ARHGAP20: variants seen among roughly 807,000 people sequenced by gnomAD.
The protein encoded by ARHGAP20 is Rho GTPase activating protein 20.
In ARHGAP20, 34 loss-of-function variants were observed where a neutral mutation model predicts 73.7. The ratio of observed to expected loss-of-function variants is 0.46; its 90% CI spans 0.35 to 0.61. ARHGAP20 has a LOEUF of 0.61. Ranked by LOEUF, ARHGAP20 falls within the 20% of genes least tolerant of loss-of-function variation. The pLI is 0.00. For missense variants in ARHGAP20, 1,314 were observed against 1,420.9 expected (o/e 0.92, Z 1.21); for synonymous variants, 523 against 518.2 (o/e 1.01, Z -0.13).
chr11:110,704,771 A>T (rs762138148), intron 1 of ARHGAP20, among the ~76,000 whole-genome samples: 2 of 152,168 alleles, frequency 1.3e-5, no homozygotes, highest in Admixed American at 1.3e-4. Flanking sequence ...CTTTCTGAAC[A>T]CATCAGGACC....
intron 11 of ARHGAP20, chr11:110,589,526 C>T: frequency 7.1e-6 from 7 of 985,438 alleles, no homozygotes; most frequent in African/African-American, 5.2e-5. Context: ...GGCCTTGTCT[C>T]GACCCCTAGC....
intron 2 of ARHGAP20, among the ~76,000 whole-genome samples, chr11:110,642,408 G>A (rs1437151857): frequency 6.6e-6 from 1 of 152,086 alleles, no homozygotes; most frequent in Non-Finnish European, 1.5e-5. Context: ...CATTCAGTAT[G>A]ATGTTGGCTG....
At chr11:110,590,874 G>GCC in intron 10 of ARHGAP20, 65 bp from the exon 11 acceptor site, 1 of 1,488,718 alleles carries the variant, frequency 6.7e-7, no homozygotes, top group South Asian at 1.3e-5. Context: ...ATGTACACTT[G>GCC]CCCTCTTTGG....
rs377207066 is a variant in ARHGAP20 at position 110,579,631 on chromosome 11, C to T, written c.3315G>A (p.Gln1105=). The T allele has an allele frequency of 3.1e-6, 5 of 1,614,228 alleles. No individual in the cohort carries two copies. Among genetic ancestry groups the T allele is most frequent in the East Asian group, 4.5e-5 (2 of 44,870 alleles). The stretch of plus-strand genomic sequence containing the variant: ...GAGAAGAACTACACCTTTGGGCTGA[C>T]TGCACAGGGGACAGTCCTTCAGCTG... ...LRAAEGLSPV[Q]SAQRCSSSPF... Residue 1105 remains glutamine (Q), a synonymous_variant, in exon 15 of 15, where the codon CAG becomes CAA. Coordinates refer to ENST00000683387, the MANE Select transcript of ARHGAP20 (RefSeq NM_001384657.1).
chr11:110,662,469 G>T (rs759893696), intron 2 of ARHGAP20, among the ~76,000 whole-genome samples: 1 of 151,808 alleles, frequency 6.6e-6, no homozygotes, highest in African/African-American at 2.4e-5. Flanking sequence ...AGGATATACC[G>T]TAAAGATAGT....
intron 2 of ARHGAP20, among the ~76,000 whole-genome samples, chr11:110,645,858 A>G (rs1949180393): frequency 6.6e-6 from 1 of 152,190 alleles, no homozygotes; most frequent in South Asian, 2.1e-4. Flanking sequence ...AAGTGAACTA[A>G]CACAGAAACT....
In ARHGAP20 at chr11:110,583,604, T is replaced by C. The variant is rs1199974988; in HGVS notation, c.1549A>G (p.Ile517Val). 2 of 1,612,632 alleles carry C rather than the reference T, an allele frequency of 1.2e-6. No individual in the cohort carries two copies. Among genetic ancestry groups the C allele is most frequent in the Non-Finnish European group, 1.7e-6 (2 of 1,179,058 alleles). The change falls in exon 13 of 15, where the codon ATT becomes GTT. Residue 517 changes from isoleucine to valine, a missense_variant. Ile to Val is a conservative substitution (Grantham distance 29, BLOSUM62 3). This residue lies in a region of ARHGAP20 where 230 missense variants were observed against 317.6 expected (regional missense o/e 0.72). Coordinates refer to ENST00000683387, the MANE Select transcript of ARHGAP20 (RefSeq NM_001384657.1). Reference sequence around the variant, plus strand: ...CTGGAGGAAGCAGGAGGCCAAAGAATACTTGGAGCGACACACACAGCTAAA... The same window carrying C: ...CTGGAGGAAGCAGGAGGCCAAAGAACACTTGGAGCGACACACACAGCTAAA... ...FNLAVCVAPSILWPPASSSPE... is the reference protein window; with the variant it reads ...FNLAVCVAPSVLWPPASSSPE...
chr11:110,614,537 ATTTTC>A lies in ARHGAP20; in HGVS notation c.630+19_630+23del, dbSNP rs1205480574. The A allele has an allele frequency of 1.3e-6, 2 of 1,592,040 alleles. No individual in the cohort carries two copies. The highest frequency in any genetic ancestry group is 1.7e-6 in the Non-Finnish European group (2 of 1,160,660). On this transcript the variant is annotated intron_variant, in intron 6 of 14. Transcript: ENST00000683387. ...GTCTTATGCAGGGACTTGGAATTTAATTTTCTGGCTTAGAAACACTTACGTAGGCA... is the reference window on the plus strand; with the variant it reads ...GTCTTATGCAGGGACTTGGAATTTAATGGCTTAGAAACACTTACGTAGGCA...
intron 2 of ARHGAP20, among the ~76,000 whole-genome samples, chr11:110,639,623 G>C (rs1178117301): frequency 2.6e-5 from 4 of 151,686 alleles, no homozygotes; most frequent in African/African-American, 9.7e-5. Flanking sequence ...CCTAGTCCCT[G>C]GCAACTACTA....
At position 110,577,978 on chromosome 11, in the gene ARHGAP20, T is replaced by TAAAG; in HGVS notation, c.*1388_*1391dup. 1 of 985,442 alleles carries TAAAG rather than the reference T, an allele frequency of 1.0e-6. No individual in the cohort carries two copies. Among genetic ancestry groups the TAAAG allele is most frequent in the South Asian group, 4.7e-5 (1 of 21,286 alleles). 61.0% of individuals were successfully genotyped at this position (985,442 alleles called of 1,614,324 possible). A position where few individuals can be genotyped will look rare whatever the true frequency, so the allele number is the denominator to read the frequency against. ...GAGAAAGGTCCATCTGATGGTGAAC[T>TAAAG]AAAGAGTTTAAATAAATGGGCTCAG... is the stretch of plus-strand genomic sequence containing the variant. On this transcript the variant is annotated 3_prime_UTR_variant, in exon 15 of 15. Transcript: ENST00000683387.
In ARHGAP20 at chr11:110,630,531, G is replaced by A. The variant is rs932805942; in HGVS notation, c.353+97C>T. 2.8e-5 allele frequency: 35 copies of A among 1,265,868 alleles called. No individual in the cohort carries two copies. In the African/African-American group the frequency reaches 5.0e-4, roughly 18 times the overall value. 78.4% of individuals were successfully genotyped at this position (1,265,868 alleles called of 1,614,324 possible). A position where few individuals can be genotyped will look rare whatever the true frequency, so the allele number is the denominator to read the frequency against. ...TTAGATATTACCTATAGTAACAAAG[G>A]CAAGACATTCTTACAGTAAGCATTG... On this transcript the variant is annotated intron_variant, in intron 3 of 14. Transcript: ENST00000683387.
chr11:110,664,862 T>C (rs1309593614), intron 2 of ARHGAP20, among the ~76,000 whole-genome samples: 1 of 151,350 alleles, frequency 6.6e-6, no homozygotes, highest in African/African-American at 2.4e-5. Context: ...CTGTTGAGAG[T>C]TATTAAAGAA....
chr11:110,602,200 A>G (rs1039315393), intron 9 of ARHGAP20, among the ~76,000 whole-genome samples: 11 of 149,260 alleles, frequency 7.4e-5, no homozygotes, highest in African/African-American at 2.8e-4. Context: ...CAAGTGCCAC[A>G]TCTATCAGGA....
intron 6 of ARHGAP20, among the ~76,000 whole-genome samples, chr11:110,612,255 A>G (rs1948383260): frequency 1.9e-5 from 2 of 106,572 alleles, no homozygotes; most frequent in Admixed American, 9.8e-5. Flanking sequence ...CGTCTCTACT[A>G]AAAAAAAAAA....
chr11:110,578,520 T>C lies in ARHGAP20; in HGVS notation c.*850A>G. On this transcript the variant is annotated 3_prime_UTR_variant, in exon 15 of 15. Transcript: ENST00000683387. Reference sequence around the variant, plus strand: ...ACAGTTGTTGTGGTCTTTTCCTCCATATTGAGAGTGAACGCTGTCAGGAGG... The same window carrying C: ...ACAGTTGTTGTGGTCTTTTCCTCCACATTGAGAGTGAACGCTGTCAGGAGG... 4 of 985,424 alleles carry C rather than the reference T, an allele frequency of 4.1e-6. No individual in the cohort carries two copies. The highest frequency in any genetic ancestry group is 4.7e-5 in the South Asian group (1 of 21,290). 61.0% of individuals were successfully genotyped at this position (985,424 alleles called of 1,614,324 possible).
chr11:110,644,721 A>G (rs555245349), intron 2 of ARHGAP20, among the ~76,000 whole-genome samples: 1 of 152,308 alleles, frequency 6.6e-6, no homozygotes, highest in East Asian at 1.9e-4. Flanking sequence ...CATTCTCAAT[A>G]TTGGCCTTGA....
At chr11:110,588,573 T>C (rs1162581436) in intron 11 of ARHGAP20, among the ~76,000 whole-genome samples, 1 of 152,212 alleles carries the variant, frequency 6.6e-6, no homozygotes, top group East Asian at 1.9e-4. Flanking sequence ...CGATAAAATG[T>C]TAATTACTTG....
chr11:110,641,221 GAA>G (rs1288110322), intron 2 of ARHGAP20, among the ~76,000 whole-genome samples: 1 of 151,982 alleles, frequency 6.6e-6, no homozygotes, highest in Non-Finnish European at 1.5e-5. Context: ...AGACAGAATA[GAA>G]AGATGAGAGA....
Position 110,689,234 on chromosome 11 carries a change from C to T in ARHGAP20, c.188+1313G>A, listed in dbSNP as rs1001995337. Among the ~76,000 whole-genome samples, 3 of 151,994 alleles carry T rather than the reference C, an allele frequency of 2.0e-5. 1 individual carries two copies. The South Asian group carries it at 6.3e-4, about 32-fold the overall frequency. On this transcript the variant is annotated intron_variant, in intron 2 of 14. Coordinates refer to ENST00000683387, the MANE Select transcript of ARHGAP20 (RefSeq NM_001384657.1). ...GCCAGGATGGTCTCGATCTCCTAAC[C>T]TCGTGACCCGCCCGCCTTGGACTCC...
Sources: allele counts gnomAD v4.1 joint callset (sites outside exome capture counted in the v4.1 genomes callset), GRCh38; gene constraint gnomAD v4.1.1; regional missense constraint gnomAD v4.1.1; transcripts MANE v1.5; gene names NCBI Gene and HGNC (gene_info 2026-07-23, HGNC 2026-07-21).